CAPN8: variants seen among roughly 807,000 people sequenced by gnomAD.
CAPN8 encodes the protein calpain-8.
CAPN8 carries 87 observed loss-of-function variants against 80.9 expected under a neutral mutation model. The observed-to-expected ratio is 1.07, with a 90% CI of 0.90 to 1.28. CAPN8 has a LOEUF of 1.28. CAPN8 is among the 50% of genes most tolerant of loss of function. The probability of loss-of-function intolerance (pLI) is 0.00; values close to 1 mark genes in which losing one functional copy is unlikely to be tolerated. For missense variants in CAPN8, 757 were observed against 702.0 expected (o/e 1.08, Z -0.89); for synonymous variants, 299 against 273.8 (o/e 1.09, Z -0.91).
chr1:223,655,535 G>A (rs1053185325), intron 1 of CAPN8, among the ~76,000 whole-genome samples: 3 of 152,208 alleles, frequency 2.0e-5, no homozygotes, highest in South Asian at 2.1e-4. Flanking sequence ...AATAAACCAC[G>A]TAGTTCTTGG....
chr1:223,646,274 T>A (rs1658189657), intron 2 of CAPN8, among the ~76,000 whole-genome samples: 1 of 152,210 alleles, frequency 6.6e-6, no homozygotes, highest in Non-Finnish European at 1.5e-5. Flanking sequence ...CTCTCGTGAG[T>A]AGGTGGTGTG....
In CAPN8 at chr1:223,551,431, G is replaced by A. The variant is rs555375859; in HGVS notation, c.1642-414C>T. On this transcript the variant is annotated intron_variant, in intron 14 of 20. Coordinates refer to ENST00000366872, the MANE Select transcript of CAPN8 (RefSeq NM_001143962.2). ...GCTAGGATTACAGGCATGAGCCACC[G>A]TGCCCGGCTGGCCCTGTGATTTTAA... Among the ~76,000 whole-genome samples the A allele has an allele frequency of 1.2e-4, 18 of 152,222 alleles. No individual in the cohort carries two copies. The South Asian group carries it at 2.5e-3, about 21-fold the overall frequency.
At chr1:223,650,616 A>G (rs932127409) in intron 2 of CAPN8, among the ~76,000 whole-genome samples, 1 of 152,214 alleles carries the variant, frequency 6.6e-6, no homozygotes, top group East Asian at 1.9e-4. Flanking sequence ...CCAACAGAGA[A>G]GAGAGATGGG....
Position 223,544,189 on chromosome 1 carries a change from G to A in CAPN8, c.1913-6C>T, listed in dbSNP as rs143503280. On this transcript the variant is annotated splice_region_variant and splice_polypyrimidine_tract_variant and intron_variant, in intron 18 of 20. Transcript: ENST00000366872. ...CTGGCTGTTGAGGGTGAAACCTGAG[G>A]GCAGAGGGAGCCTGGGTCACAGGTA... The A allele has an allele frequency of 5.3e-3, 3,817 of 717,668 alleles. 24 individuals are homozygous for A. The highest frequency in any genetic ancestry group is 0.015 in the South Asian group (1,025 of 67,598). 44.5% of individuals were successfully genotyped at this position (717,668 alleles called of 1,614,324 possible).
chr1:223,612,862 A>G (rs61825168), intron 10 of CAPN8, among the ~76,000 whole-genome samples: 114,152 of 152,158 alleles, frequency 0.75, 43,751 homozygotes, highest in African/African-American at 0.91. Context: ...GAGATGTGGA[A>G]AGAAAGAATC....
chr1:223,612,229 T>C lies in CAPN8; in HGVS notation c.1323+17A>G, dbSNP rs970554277. On this transcript the variant is annotated intron_variant, in intron 11 of 20. Coordinates refer to ENST00000366872, the MANE Select transcript of CAPN8 (RefSeq NM_001143962.2). ...ATTTCTCACCAAAGGAAGGAATCTCTGTCAGCACTCACATACCTCCTTGGG... is the reference window on the plus strand; with the variant it reads ...ATTTCTCACCAAAGGAAGGAATCTCCGTCAGCACTCACATACCTCCTTGGG... 36 of 1,234,090 alleles carry C rather than the reference T, an allele frequency of 2.9e-5. No homozygotes were observed. Among genetic ancestry groups the C allele is most frequent in the Non-Finnish European group, 6.1e-6 (6 of 988,048 alleles). 76.4% of individuals were successfully genotyped at this position (1,234,090 alleles called of 1,614,324 possible). A position where few individuals can be genotyped will look rare whatever the true frequency, so the allele number is the denominator to read the frequency against.
intron 2 of CAPN8, among the ~76,000 whole-genome samples, chr1:223,630,466 C>A (rs1403346773): frequency 6.6e-6 from 1 of 151,960 alleles, no homozygotes. Flanking sequence ...CCTCCTGAGT[C>A]ACTAGAACTA....
At position 223,549,343 on chromosome 1, in the gene CAPN8, C is replaced by A. The variant is rs745847790; in HGVS notation, c.1739G>T (p.Cys580Phe). ...ATCCAACAGACTGATCATTTCCCTGCAAGTGTTGATGTTGAATCCATCGAA... is the reference window on the plus strand; with the variant it reads ...ATCCAACAGACTGATCATTTCCCTGAAAGTGTTGATGTTGAATCCATCGAA... ...IKFDGFNINT[C>F]REMISLLDSN... is the part of the protein sequence containing the mutation. Residue 580 changes from cysteine to phenylalanine, a missense_variant, in exon 16 of 21, where the codon TGC becomes TTC. Coordinates refer to ENST00000366872, the MANE Select transcript of CAPN8 (RefSeq NM_001143962.2). 10 of 1,551,272 alleles carry A rather than the reference C, an allele frequency of 6.4e-6. No individual in the cohort carries two copies. Among genetic ancestry groups the A allele is most frequent in the Admixed American group, 3.9e-5 (2 of 50,936 alleles).
At chr1:223,625,632 A>G (rs1657550247) in intron 6 of CAPN8, among the ~76,000 whole-genome samples, 173 bp downstream of exon 6, 1 of 152,186 alleles carries the variant, frequency 6.6e-6, no homozygotes, top group Non-Finnish European at 1.5e-5. Context: ...GCTAATGCTC[A>G]TCTGTGGTGT....
chr1:223,632,418 A>G (rs528419580), intron 2 of CAPN8, among the ~76,000 whole-genome samples: 20 of 152,046 alleles, frequency 1.3e-4, no homozygotes, highest in Admixed American at 7.9e-4. Context: ...TCTGTTGCCC[A>G]GATGAGTGCA....
At chr1:223,557,595 C>T (rs975069648) in intron 13 of CAPN8, among the ~76,000 whole-genome samples, 1 of 152,198 alleles carries the variant, frequency 6.6e-6, no homozygotes, top group African/African-American at 2.4e-5. Context: ...TGAACCCACA[C>T]CTCAAACCCT....
intron 16 of CAPN8, among the ~76,000 whole-genome samples, chr1:223,548,661 C>A (rs1311860910): frequency 6.6e-6 from 1 of 152,158 alleles, no homozygotes; most frequent in East Asian, 1.9e-4. Context: ...TCTACCAGCA[C>A]CTTGATCTTG....
At chr1:223,543,277 C>T in intron 19 of CAPN8, 111 bp from the exon 20 acceptor site, 5 of 1,246,642 alleles carry the variant, frequency 4.0e-6, no homozygotes, top group Non-Finnish European at 5.6e-6. Flanking sequence ...TCTCCTTTCC[C>T]CTACCACCCC....
At chr1:223,628,443 G>A (rs551628859) in intron 3 of CAPN8, among the ~76,000 whole-genome samples, 5 of 152,232 alleles carry the variant, frequency 3.3e-5, no homozygotes, top group Admixed American at 6.5e-5. Flanking sequence ...TGAAGGCCAC[G>A]TGGCCTAGGG....
At chr1:223,629,615 C>T (rs926482717) in intron 2 of CAPN8, among the ~76,000 whole-genome samples, 2 of 152,202 alleles carry the variant, frequency 1.3e-5, no homozygotes, top group Non-Finnish European at 2.9e-5. Context: ...GCACCACTGC[C>T]TACCTTAGCA....
chr1:223,655,542 T>C (rs766100528), intron 1 of CAPN8, among the ~76,000 whole-genome samples: 3 of 152,222 alleles, frequency 2.0e-5, no homozygotes, highest in Non-Finnish European at 4.4e-5. Context: ...CACGTAGTTC[T>C]TGGCCTCAAG....
chr1:223,610,647 G>T (rs1206061668), intron 11 of CAPN8, among the ~76,000 whole-genome samples: 2 of 152,142 alleles, frequency 1.3e-5, no homozygotes, highest in Non-Finnish European at 2.9e-5. Flanking sequence ...GGTGGAGCAG[G>T]TTAGAGAAGT....
At chr1:223,548,607 A>G (rs1254263263) in intron 16 of CAPN8, among the ~76,000 whole-genome samples, 1 of 152,208 alleles carries the variant, frequency 6.6e-6, no homozygotes, top group African/African-American at 2.4e-5. Context: ...TAGCAAGAAG[A>G]TGCCATCTAT....
chr1:223,655,069 T>C (rs1218915852), intron 1 of CAPN8, among the ~76,000 whole-genome samples: 1 of 151,624 alleles, frequency 6.6e-6, no homozygotes, highest in Non-Finnish European at 1.5e-5. Flanking sequence ...AGCAGGGAGG[T>C]AGGAGAAAGG....
Sources: gnomAD v4.1 joint callset for allele counts (sites outside exome capture counted in the v4.1 genomes callset) on GRCh38, gnomAD v4.1.1 for gene constraint, MANE v1.5 for transcripts, NCBI Gene and HGNC (gene_info 2026-07-23, HGNC 2026-07-21) for gene names.